The following ZNF469 variants were observed in gnomAD, a reference collection of about 807,000 sequenced individuals.
ZNF469 encodes the protein zinc finger protein 469.
Under a neutral mutation model 1.0 loss-of-function variants are expected in ZNF469, and 1 was observed. The ratio of observed to expected loss-of-function variants is 1.00; its 90% CI spans 0.35 to 4.73. The LOEUF is 4.73. Among genes scored for constraint, ZNF469 ranks in the 30% most tolerant of loss-of-function variants. The pLI, the probability that ZNF469 is intolerant of heterozygous loss-of-function variation, is 0.16. For synonymous variants in ZNF469, 2,703 were observed against 2,363.4 expected (o/e 1.14, Z -4.17); for missense variants, 6,100 against 5,356.3 (o/e 1.14, Z -4.33).
At chr16:88,146,840 C>T in the ZNF469 span, among the ~76,000 whole-genome samples, 18 of 151,990 alleles carry the variant, frequency 1.2e-4, no homozygotes, top group African/African-American at 2.9e-4. Context: ...TGGGGCTGAA[C>T]GTGACCAACG....
the ZNF469 span, among the ~76,000 whole-genome samples, chr16:88,272,350 G>C: frequency 2.5e-4 from 35 of 138,672 alleles, no homozygotes; most frequent in African/African-American, 9.6e-4. Flanking sequence ...GGATGAATGA[G>C]TGGGTTGATG....
At chr16:88,381,384 GCATTCA>G (rs1312571823), upstream of ZNF469, among the ~76,000 whole-genome samples, 2 of 131,698 alleles carry the variant, frequency 1.5e-5, no homozygotes, top group Admixed American at 1.5e-4. Context: ...ACAGAGACAT[GCATTCA>G]CACACACGCA....
the ZNF469 span, among the ~76,000 whole-genome samples, chr16:88,374,092 C>T: frequency 3.3e-5 from 5 of 151,956 alleles, no homozygotes; most frequent in African/African-American, 1.2e-4. Flanking sequence ...AATGAAAGAG[C>T]AGACTCAGCC....
the ZNF469 span, among the ~76,000 whole-genome samples, chr16:88,357,603 C>G: frequency 6.6e-6 from 1 of 152,040 alleles, no homozygotes; most frequent in African/African-American, 2.4e-5. Context: ...GGCAGGGAGG[C>G]GATGGCTGAG....
the ZNF469 span, among the ~76,000 whole-genome samples, chr16:88,150,699 G>T: frequency 6.6e-6 from 1 of 150,582 alleles, no homozygotes; most frequent in East Asian, 2.0e-4. Flanking sequence ...ACCAGGACTG[G>T]GTGGGGCCGA....
At chr16:88,188,198 G>A in the ZNF469 span, among the ~76,000 whole-genome samples, 1 of 151,804 alleles carries the variant, frequency 6.6e-6, no homozygotes, top group Admixed American at 6.6e-5. Context: ...TCCTTCCAAG[G>A]TCCAGATCAC....
At chr16:88,405,443 C>G (rs1905001314) in intron 1 of ZNF469, among the ~76,000 whole-genome samples, 1 of 152,198 alleles carries the variant, frequency 6.6e-6, no homozygotes, top group South Asian at 2.1e-4. Context: ...TGCTGCCACC[C>G]CTTGGGATGG....
At chr16:88,123,646 AAAGGGG>A in the ZNF469 span, among the ~76,000 whole-genome samples, 2 of 151,638 alleles carry the variant, frequency 1.3e-5, no homozygotes, top group African/African-American at 2.4e-5. Flanking sequence ...AACCCTTGCC[AAAGGGG>A]TCGTCCCCCC....
chr16:88,332,007 G>A, the ZNF469 span, among the ~76,000 whole-genome samples: 1 of 152,212 alleles, frequency 6.6e-6, no homozygotes, highest in Non-Finnish European at 1.5e-5. Context: ...CAAGAGCAGA[G>A]CTGGGTTTGA....
the ZNF469 span, among the ~76,000 whole-genome samples, chr16:88,101,544 CTTT>C: frequency 6.9e-6 from 1 of 144,014 alleles, no homozygotes; most frequent in Admixed American, 6.9e-5. Context: ...TCTCATTACG[CTTT>C]TTTTTTTTTT....
Position 88,398,373 on chromosome 16 carries a change from C to T in ZNF469, c.-192+15119C>T, listed in dbSNP as rs370123242. Among the ~76,000 whole-genome samples, 17 of 149,034 alleles carry T rather than the reference C, an allele frequency of 1.1e-4. No individual in the cohort carries two copies. In the East Asian group the frequency reaches 3.0e-3, roughly 26 times the overall value. Reference sequence around the variant, plus strand: ...ACGTGAGCCACGGATGAAGGAGGACCCGTGAGCCACGGATGAAGGGACATG... The same window carrying T: ...ACGTGAGCCACGGATGAAGGAGGACTCGTGAGCCACGGATGAAGGGACATG... On this transcript the variant is annotated intron_variant, in intron 1 of 2. Transcript: ENST00000565624.
chr16:88,316,835 C>T, the ZNF469 span, among the ~76,000 whole-genome samples: 2 of 137,308 alleles, frequency 1.5e-5, no homozygotes, highest in African/African-American at 2.8e-5. Context: ...GCGTGAGCCA[C>T]TGCACCCAGC....
chr16:88,261,623 A>T, the ZNF469 span, among the ~76,000 whole-genome samples: 1 of 152,184 alleles, frequency 6.6e-6, no homozygotes, highest in Non-Finnish European at 1.5e-5. The surrounding 1 kb of genome is among the most constrained non-coding windows in gnomAD (Gnocchi z 6.0). Context: ...AACCTGGAGA[A>T]GTGAAATTAA....
chr16:88,137,382 T>G, the ZNF469 span, among the ~76,000 whole-genome samples: 1 of 152,218 alleles, frequency 6.6e-6, no homozygotes, highest in Non-Finnish European at 1.5e-5. Context: ...CATACCACCA[T>G]GTGTGCGGTT....
In ZNF469 at chr16:88,435,965, A is replaced by G. The variant is rs371361395; in HGVS notation, c.8495A>G (p.Gln2832Arg). The change falls in exon 3 of 3, where the codon CAG (glutamine) becomes CGG (arginine). Residue 2832 changes from glutamine to arginine, a missense_variant. Coordinates refer to ENST00000565624, the MANE Select transcript of ZNF469 (RefSeq NM_001367624.2). ...PDNPDTQGGVQGPEGPTPDAS... is the reference protein window; with the variant it reads ...PDNPDTQGGVRGPEGPTPDAS... The stretch of plus-strand genomic sequence containing the variant: ...AACCCAGACACCCAGGGTGGAGTCC[A>G]GGGGCCTGAAGGCCCCACTCCTGAT... 5.2e-6 allele frequency: 8 copies of G among 1,550,054 alleles called. No homozygotes were observed. The East Asian group carries it at 1.5e-4, about 28-fold the overall frequency.
Position 88,431,297 on chromosome 16 carries a change from G to A in ZNF469, c.3827G>A (p.Gly1276Asp). 6.5e-7 allele frequency: 1 copy of A among 1,550,044 alleles called. No homozygotes were observed. Among genetic ancestry groups the A allele is most frequent in the Non-Finnish European group, 8.7e-7 (1 of 1,146,864 alleles). The part of the protein sequence containing the change: ...EQPPPSRHDT[G>D]TPKPSGSLAN... The stretch of plus-strand genomic sequence containing the variant: ...CCGCCGCCCAGCAGACATGACACCG[G>A]CACCCCCAAGCCGTCGGGAAGCCTC... Residue 1276 changes from glycine (G) to aspartate (D), a missense_variant, in exon 3 of 3, where the codon GGC becomes GAC. Physicochemically the swap from Gly to Asp is moderately conservative, Grantham distance 94 (BLOSUM62 -1). Transcript: ENST00000565624.
At chr16:88,202,737 C>T in the ZNF469 span, among the ~76,000 whole-genome samples, 2 of 152,216 alleles carry the variant, frequency 1.3e-5, no homozygotes, top group Non-Finnish European at 2.9e-5. Flanking sequence ...GCTGCATCCT[C>T]AGCCTCTGCC....
the ZNF469 span, among the ~76,000 whole-genome samples, chr16:88,364,241 A>AT: frequency 6.6e-6 from 1 of 152,184 alleles, no homozygotes; most frequent in East Asian, 1.9e-4. Flanking sequence ...GCAATAATTC[A>AT]TTGGCACCTT....
At chr16:88,103,069 C>T in the ZNF469 span, among the ~76,000 whole-genome samples, 1 of 152,250 alleles carries the variant, frequency 6.6e-6, no homozygotes, top group African/African-American at 2.4e-5. Flanking sequence ...AGAATGGGGC[C>T]GTCATCAGTC....
Sources: allele counts gnomAD v4.1 joint callset (sites outside exome capture counted in the v4.1 genomes callset), GRCh38; gene constraint gnomAD v4.1.1; non-coding constraint Gnocchi (gnomAD v3.1); transcripts MANE v1.5; gene names NCBI Gene and HGNC (gene_info 2026-07-23, HGNC 2026-07-21).